PARD3B: variants seen among roughly 807,000 people sequenced by gnomAD.
PARD3B encodes the protein partitioning defective 3 homolog B.
Under a neutral mutation model 130.2 loss-of-function variants are expected in PARD3B, and 103 were observed. The ratio of observed to expected loss-of-function variants is 0.79; its 90% CI spans 0.67 to 0.93. PARD3B has a LOEUF of 0.93. Among genes scored for constraint, PARD3B ranks in the 40% least tolerant of loss-of-function variants. PARD3B has a pLI of 0.00. For missense variants in PARD3B, 1,609 were observed against 1,499.2 expected (o/e 1.07, Z -1.21); for synonymous variants, 583 against 553.2 (o/e 1.05, Z -0.76).
At chr2:204,884,857 A>T (rs192652848) in intron 2 of PARD3B, among the ~76,000 whole-genome samples, 10 of 152,316 alleles carry the variant, frequency 6.6e-5, no homozygotes, top group Admixed American at 3.3e-4. Flanking sequence ...TATATGTACC[A>T]TATTTTCTTT....
intron 10 of PARD3B, among the ~76,000 whole-genome samples, chr2:205,156,121 A>T (rs1380408425): frequency 6.6e-6 from 1 of 152,026 alleles, no homozygotes; most frequent in Non-Finnish European, 1.5e-5. Flanking sequence ...AGGGACATGG[A>T]TGAAATTGGA....
chr2:205,154,248 A>G (rs988789545), intron 10 of PARD3B, among the ~76,000 whole-genome samples: 3 of 152,228 alleles, frequency 2.0e-5, no homozygotes, highest in South Asian at 4.1e-4. Flanking sequence ...ATATGAAAAA[A>G]CACTTCTCAA....
intron 1 of PARD3B, among the ~76,000 whole-genome samples, chr2:204,621,266 G>A (rs988407715): frequency 2.6e-5 from 4 of 152,150 alleles, no homozygotes; most frequent in Non-Finnish European, 5.9e-5. Flanking sequence ...AACTTCTAAC[G>A]CAATGCAGGA....
intron 20 of PARD3B, among the ~76,000 whole-genome samples, chr2:205,447,891 G>A (rs1006108316): frequency 1.1e-4 from 16 of 152,122 alleles, no homozygotes; most frequent in African/African-American, 2.9e-4. Context: ...CACTGTCTCC[G>A]TGTAGCTTTT....
At chr2:204,846,429 A>C (rs1265397165) in intron 2 of PARD3B, among the ~76,000 whole-genome samples, 1 of 152,032 alleles carries the variant, frequency 6.6e-6, no homozygotes, top group African/African-American at 2.4e-5. Context: ...AGGCGTGTAC[A>C]CTGCAGAATT....
intron 16 of PARD3B, among the ~76,000 whole-genome samples, chr2:205,284,301 T>A (rs1020649989): frequency 6.6e-6 from 1 of 152,208 alleles, no homozygotes; most frequent in African/African-American, 2.4e-5. Flanking sequence ...GTTGTTTTTG[T>A]TTTTCTGCTT....
intron 18 of PARD3B, among the ~76,000 whole-genome samples, chr2:205,311,083 G>A (rs540608784): frequency 2.6e-5 from 4 of 152,090 alleles, no homozygotes; most frequent in Admixed American, 6.6e-5. Flanking sequence ...TCTGCTGATG[G>A]GCACTTAAGT....
At chr2:204,631,671 CTT>C (rs1436938957) in intron 1 of PARD3B, among the ~76,000 whole-genome samples, 1 of 152,130 alleles carries the variant, frequency 6.6e-6, no homozygotes, top group Non-Finnish European at 1.5e-5. Flanking sequence ...ATTTTGCAGA[CTT>C]TTTAATGTGG....
intron 10 of PARD3B, among the ~76,000 whole-genome samples, chr2:205,138,536 T>G (rs894287164): frequency 1.3e-5 from 2 of 152,220 alleles, no homozygotes; most frequent in African/African-American, 4.8e-5. Flanking sequence ...ATGCTGAAAT[T>G]ATCAAAAAAG....
intron 18 of PARD3B, among the ~76,000 whole-genome samples, chr2:205,364,839 G>A (rs1265000703): frequency 1.3e-5 from 2 of 152,122 alleles, no homozygotes; most frequent in South Asian, 2.1e-4. Context: ...AATTTCTCAA[G>A]AAGCATGGAA....
chr2:205,454,979 A>T (rs943710723), intron 20 of PARD3B, among the ~76,000 whole-genome samples: 1 of 152,160 alleles, frequency 6.6e-6, no homozygotes, highest in African/African-American at 2.4e-5. Context: ...ATGATATTAT[A>T]TACAACATTT....
intron 4 of PARD3B, among the ~76,000 whole-genome samples, chr2:205,056,914 CAT>C (rs34573981): frequency 0.071 from 8,773 of 124,308 alleles, 248 homozygotes; most frequent in African/African-American, 0.076. Flanking sequence ...CACACACACA[CAT>C]ATATATATAT....
At chr2:205,340,136 A>G (rs1042510531) in intron 18 of PARD3B, among the ~76,000 whole-genome samples, 1 of 152,166 alleles carries the variant, frequency 6.6e-6, no homozygotes, top group African/African-American at 2.4e-5. Context: ...CAAGGTAACA[A>G]TAGGAGTTGC....
intron 2 of PARD3B, among the ~76,000 whole-genome samples, chr2:204,703,555 T>C (rs528990548): frequency 1.3e-5 from 2 of 152,336 alleles, no homozygotes; most frequent in South Asian, 4.1e-4. Context: ...TTCAAGATTA[T>C]AAAATGATTT....
chr2:205,318,196 A>G (rs540860449), intron 18 of PARD3B, among the ~76,000 whole-genome samples: 34 of 152,254 alleles, frequency 2.2e-4, no homozygotes, highest in African/African-American at 8.2e-4. Context: ...TTTGAACTCT[A>G]GTCAATGTAT....
At position 204,913,247 on chromosome 2, in the gene PARD3B, A is replaced by C. The variant is rs567288224; in HGVS notation, c.223-51905A>C. 1.1e-4 allele frequency among the ~76,000 whole-genome samples: 17 copies of C among 152,234 alleles called. No homozygotes were observed. The South Asian group carries it at 3.5e-3, about 32-fold the overall frequency. ...ATGGAAATATTCTGTTGTATCCCTC[A>C]AATGTATAGATTGTCTGCATTATAG... On this transcript the variant is annotated intron_variant, in intron 2 of 22. Coordinates refer to ENST00000406610, the MANE Select transcript of PARD3B (RefSeq NM_001302769.2).
intron 4 of PARD3B, among the ~76,000 whole-genome samples, chr2:205,069,406 A>G (rs1185985974): frequency 6.6e-6 from 1 of 152,080 alleles, no homozygotes; most frequent in Non-Finnish European, 1.5e-5. Flanking sequence ...ATGTATTTAA[A>G]TAGATTAGTC....
chr2:205,419,838 A>T (rs76143850), intron 19 of PARD3B, among the ~76,000 whole-genome samples: 3,100 of 152,284 alleles, frequency 0.02, 92 homozygotes, highest in African/African-American at 0.07. Flanking sequence ...CTTCATTGTG[A>T]TTCCTCCATA....
At chr2:204,741,890 A>G (rs2040023837) in intron 2 of PARD3B, among the ~76,000 whole-genome samples, 1 of 152,020 alleles carries the variant, frequency 6.6e-6, no homozygotes, top group East Asian at 1.9e-4. Flanking sequence ...CAAACCCCTG[A>G]GCTGTAACAA....
Sources: allele counts gnomAD v4.1 joint callset (sites outside exome capture counted in the v4.1 genomes callset), GRCh38; gene constraint gnomAD v4.1.1; transcripts MANE v1.5; gene names NCBI Gene and HGNC (gene_info 2026-07-23, HGNC 2026-07-21).